NR2C1: variants seen among roughly 807,000 people sequenced by gnomAD.
The protein encoded by NR2C1 is nuclear receptor subfamily 2 group C member 1.
In NR2C1, 33 loss-of-function variants were observed where a neutral mutation model predicts 74.8. The observed-to-expected ratio is 0.44, with a 90% confidence interval of 0.33 to 0.59. The LOEUF (loss-of-function observed/expected upper bound fraction) is 0.59, where lower values mean the gene tolerates loss of function less well. Among genes scored for constraint, NR2C1 ranks in the 20% least tolerant of loss-of-function variants. NR2C1 has a pLI of 0.02. For missense variants in NR2C1, 568 were observed against 715.6 expected (o/e 0.79, Z 2.35); for synonymous variants, 225 against 240.6 (o/e 0.94, Z 0.60).
intron 7 of NR2C1, among the ~76,000 whole-genome samples, chr12:95,054,433 A>C (rs1376541853): frequency 6.6e-6 from 1 of 152,008 alleles, no homozygotes; most frequent in Non-Finnish European, 1.5e-5. Context: ...CAGCCTCCCA[A>C]ACAGCTGGGA....
At chr12:95,043,414 C>T (rs573857930) in intron 9 of NR2C1, among the ~76,000 whole-genome samples, 5 of 151,990 alleles carry the variant, frequency 3.3e-5, no homozygotes, top group Middle Eastern at 3.2e-3. Flanking sequence ...TAAGGCTAGG[C>T]GTGGTGGCTC....
intron 4 of NR2C1, 55 bp from the exon 5 acceptor site, chr12:95,058,544 T>C: frequency 1.4e-6 from 2 of 1,413,990 alleles, no homozygotes; most frequent in East Asian, 2.3e-5. Flanking sequence ...AGAACAGAAA[T>C]GACATAAGCC....
At chr12:95,059,331 T>C (rs1874395508) in intron 4 of NR2C1, among the ~76,000 whole-genome samples, 1 of 151,974 alleles carries the variant, frequency 6.6e-6, no homozygotes, top group Admixed American at 6.6e-5. Context: ...TTTTTACATG[T>C]TCACTTTCAA....
At chr12:95,044,873 C>A (rs1872110162) in intron 9 of NR2C1, among the ~76,000 whole-genome samples, 1 of 152,200 alleles carries the variant, frequency 6.6e-6, no homozygotes, top group African/African-American at 2.4e-5. Context: ...TAGAGCCAGT[C>A]TGTCTCAAAA....
intron 12 of NR2C1, among the ~76,000 whole-genome samples, chr12:95,025,552 G>A (rs1251426277): frequency 6.6e-6 from 1 of 151,004 alleles, no homozygotes; most frequent in Non-Finnish European, 1.5e-5. Flanking sequence ...AAGCTACTCA[G>A]GAGACTGAGG....
chr12:95,028,348 A>C (rs993967667), intron 12 of NR2C1, 39 bp downstream of exon 12: 3 of 1,557,354 alleles, frequency 1.9e-6, no homozygotes, highest in African/African-American at 2.8e-5. Flanking sequence ...CCACATCGTG[A>C]AACATTTTAT....
At chr12:95,022,482 C>T (rs1868874123) in intron 13 of NR2C1, 79 bp from the exon 14 acceptor site, 1 of 1,075,796 alleles carries the variant, frequency 9.3e-7, no homozygotes, top group Admixed American at 2.3e-5. Context: ...TGAGTAATTT[C>T]TGCATGTGGC....
At chr12:95,046,344 G>A (rs762617970) in intron 9 of NR2C1, among the ~76,000 whole-genome samples, 3 of 152,150 alleles carry the variant, frequency 2.0e-5, no homozygotes, top group African/African-American at 4.8e-5. Context: ...CCAGCACTTC[G>A]GGAGGCCGAA....
At chr12:95,047,787 G>T (rs974771390) in intron 9 of NR2C1, among the ~76,000 whole-genome samples, 1 of 152,136 alleles carries the variant, frequency 6.6e-6, no homozygotes, top group East Asian at 1.9e-4. Flanking sequence ...CGTAATGTAA[G>T]GTCTCCACAG....
At chr12:95,032,961 C>T (rs930458587) in intron 10 of NR2C1, among the ~76,000 whole-genome samples, 3 of 151,738 alleles carry the variant, frequency 2.0e-5, no homozygotes, top group Non-Finnish European at 4.4e-5. Context: ...GAGTGAGACC[C>T]TGTCTCAAAA....
chr12:95,069,937 T>C lies in NR2C1; in HGVS notation c.-7-2546A>G, dbSNP rs142059132. On this transcript the variant is annotated intron_variant, in intron 1 of 13. Coordinates refer to ENST00000333003, the MANE Select transcript of NR2C1 (RefSeq NM_003297.4). ...GTCTTCCAGGATCTATGCCTGACCC[T>C]GGGATAGGATAATAAAGATGGTCTC... Among the ~76,000 whole-genome samples, 1,096 of 152,214 alleles carry C rather than the reference T, an allele frequency of 7.2e-3. 12 individuals carry two copies. Among genetic ancestry groups the C allele is most frequent in the African/African-American group, 0.024 (980 of 41,532 alleles).
chr12:95,062,004 T>C (rs1322331405), intron 3 of NR2C1, among the ~76,000 whole-genome samples: 1 of 152,224 alleles, frequency 6.6e-6, no homozygotes, highest in East Asian at 1.9e-4. Context: ...GGAGGCACAA[T>C]GTTGAAGCCA....
In NR2C1 at chr12:95,042,372, G is replaced by A. The variant is rs916410842; in HGVS notation, c.1132-1775C>T. Among the ~76,000 whole-genome samples, 3 of 151,976 alleles carry A rather than the reference G, an allele frequency of 2.0e-5. No individual in the cohort carries two copies. The South Asian group carries it at 6.2e-4, about 32-fold the overall frequency. On this transcript the variant is annotated intron_variant, in intron 9 of 13. Transcript: ENST00000333003. ...CTACAGGCGTGTGCCACCAGGCCCC[G>A]CTAATTTTTTTTGTATTTTTAGTAG...
rs764363306 is a variant in NR2C1, at chr12:95,049,026, AAGCAACACAACAT to A, written c.1131+29_1131+41del. On this transcript the variant is annotated intron_variant, in intron 9 of 13. Coordinates refer to ENST00000333003, the MANE Select transcript of NR2C1 (RefSeq NM_003297.4). ...GATTTTTGAAAGGTAGATCAAAATC[AAGCAACACAACAT>A]ACAAGTTAAAAAAAACATATAGAAA... 1.4e-5 allele frequency: 21 copies of A among 1,549,380 alleles called. No individual in the cohort carries two copies. In the African/African-American group the frequency reaches 2.7e-4, roughly 20 times the overall value.
intron 9 of NR2C1, among the ~76,000 whole-genome samples, chr12:95,042,264 C>G (rs1386241445): frequency 6.7e-6 from 1 of 150,026 alleles, no homozygotes; most frequent in Non-Finnish European, 1.5e-5. Context: ...CTCTGTCACC[C>G]AGGCTGGAGT....
chr12:95,043,626 G>A (rs1251510198), intron 9 of NR2C1, among the ~76,000 whole-genome samples: 1 of 144,462 alleles, frequency 6.9e-6, no homozygotes, highest in Non-Finnish European at 1.5e-5. Context: ...GCGGGTAGAG[G>A]CTGCAGTGAG....
chr12:95,042,138 C>G (rs1871618631), intron 9 of NR2C1, among the ~76,000 whole-genome samples: 1 of 151,620 alleles, frequency 6.6e-6, no homozygotes, highest in Non-Finnish European at 1.5e-5. Flanking sequence ...GTGGCTACCT[C>G]TGGGTGGGGT....
intron 10 of NR2C1, among the ~76,000 whole-genome samples, chr12:95,033,715 G>A (rs1038176718): frequency 6.6e-6 from 1 of 152,048 alleles, no homozygotes; most frequent in African/African-American, 2.4e-5. Flanking sequence ...TCAGTGTCAC[G>A]CACACACGTA....
At chr12:95,027,147 C>G (rs1429216014) in intron 12 of NR2C1, among the ~76,000 whole-genome samples, 6 of 152,140 alleles carry the variant, frequency 3.9e-5, no homozygotes, top group African/African-American at 1.4e-4. Flanking sequence ...CTCAAATTCT[C>G]GGGCTGAAGT....
Sources: gnomAD v4.1 joint callset for allele counts (sites outside exome capture counted in the v4.1 genomes callset) on GRCh38, gnomAD v4.1.1 for gene constraint, MANE v1.5 for transcripts, NCBI Gene and HGNC (gene_info 2026-07-23, HGNC 2026-07-21) for gene names.